The following ZNF318 variants were observed in gnomAD, a reference collection of about 807,000 sequenced individuals.
ZNF318 encodes endocrine regulator.
Under a neutral mutation model 124.2 loss-of-function variants are expected in ZNF318, and 51 were observed. The ratio of observed to expected loss-of-function variants is 0.41; its 90% CI spans 0.33 to 0.52. The LOEUF is 0.52. Among genes scored for constraint, ZNF318 ranks in the 20% least tolerant of loss-of-function variants. The pLI, the probability that ZNF318 is intolerant of heterozygous loss-of-function variation, is 0.23. For synonymous variants in ZNF318, 1,090 were observed against 1,040.7 expected (o/e 1.05, Z -0.91); for missense variants, 2,815 against 2,811.2 (o/e 1.00, Z -0.03).
intron 1 of ZNF318, among the ~76,000 whole-genome samples, chr6:43,366,378 C>T (rs1447884719): frequency 6.6e-6 from 1 of 152,202 alleles, no homozygotes; most frequent in Non-Finnish European, 1.5e-5. Context: ...GGGTTTTACA[C>T]AGGATAGTGA....
At position 43,338,916 on chromosome 6, in the gene ZNF318, G is replaced by C; in HGVS notation, c.5082C>G (p.Asp1694Glu). 1.2e-6 allele frequency: 2 copies of C among 1,614,098 alleles called. No individual in the cohort carries two copies. The highest frequency in any genetic ancestry group is 1.7e-6 in the Non-Finnish European group (2 of 1,180,022). ...RPYETITPKT[D>E]TLAIWTSSSF... ...AACTAGAGGTCCATATGGCCAAAGTGTCTGTCTTTGGGGTAATTGTTTCAT... is the reference window on the plus strand; with the variant it reads ...AACTAGAGGTCCATATGGCCAAAGTCTCTGTCTTTGGGGTAATTGTTTCAT... The change falls in exon 10 of 10, where the codon GAC becomes GAG. Residue 1694 changes from aspartate to glutamate, a missense_variant. By Grantham distance (45) the Asp-to-Glu change is conservative. Transcript: ENST00000361428.
rs1307047087 is a variant in ZNF318, at chr6:43,339,092, C to A, written c.4906G>T (p.Ala1636Ser). Residue 1636 changes from alanine (A) to serine (S), a missense_variant, in exon 10 of 10, where the codon GCT (alanine) becomes TCT (serine). Ala to Ser is a moderately conservative substitution (Grantham distance 99). Around this residue, in one of 4 missense-constraint regions of ZNF318, gnomAD observed 927 missense variants for 820.6 expected, o/e 1.13. Coordinates refer to ENST00000361428, the MANE Select transcript of ZNF318 (RefSeq NM_014345.3). The surrounding 1 kb of genome is among the most constrained non-coding windows in gnomAD (Gnocchi z 4.2). The stretch of plus-strand genomic sequence containing the variant: ...TTTTCAGAGTTGCTAACTATAGGAG[C>A]AGCGACCAAACCCTCATCTTGATGC... The part of the protein sequence containing the change: ...ELHQDEGLVA[A>S]PIVSNSEKPI... 1.9e-6 allele frequency: 3 copies of A among 1,614,044 alleles called. No homozygotes were observed. Among genetic ancestry groups the A allele is most frequent in the African/African-American group, 2.7e-5 (2 of 74,916 alleles).
chr6:43,356,534 C>G (rs529169900), intron 3 of ZNF318, among the ~76,000 whole-genome samples: 70 of 152,338 alleles, frequency 4.6e-4, no homozygotes, highest in African/African-American at 1.7e-3. Context: ...ATCAGCATTC[C>G]TTTGCTTGGG....
chr6:43,360,760 G>A (rs920434441), intron 2 of ZNF318, among the ~76,000 whole-genome samples: 2 of 151,840 alleles, frequency 1.3e-5, no homozygotes. Context: ...AATATTATCA[G>A]CAATAAAAAG....
chr6:43,352,519 TTC>T (rs1471736241), intron 4 of ZNF318, 43 bp from the exon 5 acceptor site: 1 of 1,543,580 alleles, frequency 6.5e-7, no homozygotes, highest in Non-Finnish European at 9.0e-7. Context: ...TCCTCCAACA[TTC>T]TCTTTTCTAT....
At position 43,338,284 on chromosome 6, in the gene ZNF318, GT is replaced by G; in HGVS notation, c.5713del (p.Thr1905GlnfsTer17). On this transcript the variant is annotated frameshift_variant, in exon 10 of 10. Transcript: ENST00000361428. LOFTEE classifies it low-confidence loss of function (END_TRUNC). ...AACTCCTTGCTCTTGTGGACTACCT[GT>G]TAAACACATAGCTGATCTGGCTGGG... ...HSPARSAMCLTGSPQEQGVSV... is the reference protein window; with the variant it reads ...HSPARSAMCLXGSPQEQGVSV... 1 of 1,614,168 alleles carries G rather than the reference GT, an allele frequency of 6.2e-7. No individual in the cohort carries two copies. Among genetic ancestry groups the G allele is most frequent in the Non-Finnish European group, 8.5e-7 (1 of 1,180,030 alleles).
In ZNF318 at chr6:43,339,010, C is replaced by T. The variant is rs772177873; in HGVS notation, c.4988G>A (p.Gly1663Asp). The change falls in exon 10 of 10, where the codon GGC becomes GAC. Residue 1663 changes from glycine to aspartate, a missense_variant. Gly to Asp is a moderately conservative substitution (Grantham distance 94). Around this residue, in one of 4 missense-constraint regions of ZNF318, gnomAD observed 927 missense variants for 820.6 expected, o/e 1.13. Coordinates refer to ENST00000361428, the MANE Select transcript of ZNF318 (RefSeq NM_014345.3). This position sits in a 1 kb window ranked among gnomAD's most constrained non-coding sequence, Gnocchi z 4.2. ...ATAGGTGCTGCCTGTGCTTTTTGGG[C>T]CTACATGTTCTACAACTGACCATTT... ...LGKWSVVEHV[G>D]PKSTGSTYGF... The T allele has an allele frequency of 1.9e-6, 3 of 1,614,038 alleles. No individual in the cohort carries two copies. Among genetic ancestry groups the T allele is most frequent in the Non-Finnish European group, 2.5e-6 (3 of 1,180,040 alleles).
At position 43,339,480 on chromosome 6, in the gene ZNF318, G is replaced by A. The variant is rs199819808; in HGVS notation, c.4518C>T (p.Ala1506=). The change falls in exon 10 of 10, where the codon GCC becomes GCT. Residue 1506 remains alanine, a synonymous_variant. Transcript: ENST00000361428. This position sits in a 1 kb window ranked among gnomAD's most constrained non-coding sequence, Gnocchi z 4.2. ...LNPVLPVAIM[A]SAQPAAIPSD... is the part of the protein sequence containing the mutation. ...AAGGAATGGCAGCTGGCTGTGCTGA[G>A]GCCATGATGGCTACAGGCAACACTG... 1.2e-6 allele frequency: 2 copies of A among 1,614,130 alleles called. No homozygotes were observed. The highest frequency in any genetic ancestry group is 1.1e-5 in the South Asian group (1 of 91,076).
Position 43,338,493 on chromosome 6 carries a change from A to G in ZNF318, c.5505T>C (p.Ala1835=). The change falls in exon 10 of 10, where the codon GCT becomes GCC. Residue 1835 remains alanine (A), a synonymous_variant. Transcript: ENST00000361428. ...CTGTCATCAATTTATTGGACTGTTC[A>G]GCCTCTTTGTCAATCATTAGCAAGT... ...QPNLLMIDKE[A]EQSNKLMTGS... The G allele has an allele frequency of 3.1e-6, 5 of 1,614,198 alleles. No homozygotes were observed. The highest frequency in any genetic ancestry group is 1.3e-5 in the African/African-American group (1 of 75,050).
intron 1 of ZNF318, among the ~76,000 whole-genome samples, chr6:43,366,690 CAGCT>C (rs1277881585): frequency 6.6e-6 from 1 of 152,168 alleles, no homozygotes; most frequent in Non-Finnish European, 1.5e-5. Context: ...CCTGTAGTCC[CAGCT>C]ACTCAGGATG....
chr6:43,345,392 A>G (rs1779426478), intron 6 of ZNF318, among the ~76,000 whole-genome samples: 1 of 152,200 alleles, frequency 6.6e-6, no homozygotes, highest in Non-Finnish European at 1.5e-5. Context: ...AAGAAGAAAT[A>G]CCAAGGACAG....
intron 6 of ZNF318, among the ~76,000 whole-genome samples, chr6:43,347,858 A>T (rs1779468066): frequency 6.6e-6 from 1 of 152,204 alleles, no homozygotes; most frequent in Admixed American, 6.5e-5. Flanking sequence ...GGAGCATCCA[A>T]TGTACTACGA....
At position 43,345,495 on chromosome 6, in the gene ZNF318, G is replaced by A. The variant is rs138396319; in HGVS notation, c.3073-2616C>T. On this transcript the variant is annotated intron_variant, in intron 6 of 9. Coordinates refer to ENST00000361428, the MANE Select transcript of ZNF318 (RefSeq NM_014345.3). ...CGTTAGTTTCAGAGACCATGAAGAC[G>A]CACCCAAATCAAGATGACAGATTAT... Among the ~76,000 whole-genome samples, 37 of 152,290 alleles carry A rather than the reference G, an allele frequency of 2.4e-4. No homozygotes were observed. In the East Asian group the frequency reaches 6.4e-3, roughly 26 times the overall value.
At chr6:43,365,514 G>A (rs1779749487) in intron 1 of ZNF318, 74 bp from the exon 2 acceptor site, 2 of 1,496,980 alleles carry the variant, frequency 1.3e-6, no homozygotes, top group African/African-American at 2.8e-5. Context: ...CTCCTCCCTA[G>A]TTACAAAGTT....
At position 43,369,158 on chromosome 6, in the gene ZNF318, G is replaced by A. The variant is rs1779801599; in HGVS notation, c.208C>T (p.Pro70Ser). The A allele has an allele frequency of 2.1e-5, 26 of 1,213,274 alleles. No individual in the cohort carries two copies. The highest frequency in any genetic ancestry group is 2.6e-5 in the Non-Finnish European group (25 of 976,424). 75.2% of individuals were successfully genotyped at this position (1,213,274 alleles called of 1,614,324 possible). A position where few individuals can be genotyped will look rare whatever the true frequency, so the allele number is the denominator to read the frequency against. ...PSGHRGRRASPSPPRGRRVSP... is the reference protein window; with the variant it reads ...PSGHRGRRASSSPPRGRRVSP... The stretch of plus-strand genomic sequence containing the variant: ...ACGCGACGACCCCGTGGCGGGGACG[G>A]CGAGGCCCGGCGGCCGCGGTGCCCT... The change falls in exon 1 of 10, where the codon CCG becomes TCG. Residue 70 changes from proline to serine, a missense_variant. Physicochemically the swap from Pro to Ser is moderately conservative, Grantham distance 74. Coordinates refer to ENST00000361428, the MANE Select transcript of ZNF318 (RefSeq NM_014345.3).
intron 1 of ZNF318, among the ~76,000 whole-genome samples, chr6:43,365,914 C>T (rs1368587627): frequency 5.3e-5 from 8 of 152,160 alleles, no homozygotes; most frequent in Admixed American, 4.6e-4. Context: ...ATACCTCTAA[C>T]TCTCCTAAAC....
intron 2 of ZNF318, among the ~76,000 whole-genome samples, chr6:43,358,108 T>C (rs41281800): frequency 0.029 from 4,394 of 152,302 alleles, 225 homozygotes; most frequent in African/African-American, 0.097. Flanking sequence ...AGCATTAGCA[T>C]TACCTGGGAA....
In ZNF318 at chr6:43,336,234, A is replaced by AT. The variant is rs1760531623; in HGVS notation, c.*923dup. ...AAGGAGGAGGTAGAGGAAAGGATAC[A>AT]TATGGGTTTGTGGAACAGGGAATGA... On this transcript the variant is annotated 3_prime_UTR_variant, in exon 10 of 10. Transcript: ENST00000361428. The AT allele has an allele frequency of 6.6e-6, 1 of 152,650 alleles. No homozygotes were observed. Among genetic ancestry groups the AT allele is most frequent in the Non-Finnish European group, 1.5e-5 (1 of 68,042 alleles). 9.5% of individuals were successfully genotyped at this position (152,650 alleles called of 1,614,324 possible). A position where few individuals can be genotyped will look rare whatever the true frequency, so the allele number is the denominator to read the frequency against.
intron 4 of ZNF318, 38 bp downstream of exon 4, chr6:43,354,626 G>C (rs1178489182): frequency 2.6e-6 from 4 of 1,532,782 alleles, no homozygotes; most frequent in African/African-American, 2.8e-5. Context: ...TGGCAAAACA[G>C]AAAACTCAGG....
Sources: gnomAD v4.1 joint callset for allele counts (sites outside exome capture counted in the v4.1 genomes callset) on GRCh38, gnomAD v4.1.1 for gene constraint, gnomAD v4.1.1 regional missense constraint, Gnocchi (gnomAD v3.1) non-coding constraint, MANE v1.5 for transcripts, NCBI Gene and HGNC (gene_info 2026-07-23, HGNC 2026-07-21) for gene names.